ANKRD36B: variants seen among roughly 807,000 people sequenced by gnomAD.
ANKRD36B encodes the protein ankyrin repeat domain 36B, also known as ankyrin repeat domain-containing protein 36B.
Under a neutral mutation model 135.7 loss-of-function variants are expected in ANKRD36B, and 37 were observed. The observed-to-expected ratio is 0.27, with a 90% CI of 0.21 to 0.36. The LOEUF (loss-of-function observed/expected upper bound fraction) is 0.36. Ranked by LOEUF, ANKRD36B falls within the 10% of genes least tolerant of loss-of-function variation. ANKRD36B has a pLI of 1.00. For missense variants in ANKRD36B, 549 were observed against 1,037.1 expected (o/e 0.53, Z 6.46); for synonymous variants, 179 against 348.1 (o/e 0.51, Z 5.41).
chr2:97,524,331 A>G (rs1409965430), intron 35 of ANKRD36B: 1 of 95,376 alleles, frequency 1.0e-5, no homozygotes, highest in African/African-American at 3.1e-5. Context: ...CTCACAACCT[A>G]TTTGACTTCT....
chr2:97,494,568 C>T (rs879221320), intron 43 of ANKRD36B, among the ~76,000 whole-genome samples: 2 of 106,922 alleles, frequency 1.9e-5, no homozygotes, highest in Non-Finnish European at 5.3e-5. Context: ...CCACTAGGTC[C>T]CACCTCCAAC....
chr2:97,494,543 T>C (rs2077283275), intron 43 of ANKRD36B, among the ~76,000 whole-genome samples: 1 of 107,204 alleles, frequency 9.3e-6, no homozygotes, highest in African/African-American at 2.6e-5. Flanking sequence ...TCAACCACCA[T>C]GACCCAAACA....
chr2:97,530,972 T>C lies in ANKRD36B; in HGVS notation c.2265+1339A>G, dbSNP rs2078549689. 5.2e-5 allele frequency among the ~76,000 whole-genome samples: 5 copies of C among 96,230 alleles called. 2 individuals are homozygous for C. The highest frequency in any genetic ancestry group is 4.6e-4 in the Admixed American group (5 of 10,878). The allele number at this position is 96,230 out of a possible 152,430, so 63.1% of individuals were successfully genotyped here. On this transcript the variant is annotated intron_variant, in intron 35 of 43. Coordinates refer to ENST00000359901, the MANE Select transcript of ANKRD36B (RefSeq NM_001393939.1). ...CACTGTTGGTGGGACTGTAAACTAG[T>C]TCAACCATTGTGGAAGTCAGTGTGG... is the stretch of plus-strand genomic sequence containing the variant.
At chr2:97,566,098 G>A (rs532097325) in intron 6 of ANKRD36B, among the ~76,000 whole-genome samples, 25 of 151,720 alleles carry the variant, frequency 1.6e-4, no homozygotes, top group Non-Finnish European at 3.2e-4. Flanking sequence ...TGGATCACAC[G>A]AGGTCAAAAG....
At chr2:97,557,969 TA>T (rs1300704382) in intron 10 of ANKRD36B, among the ~76,000 whole-genome samples, 3 of 138,572 alleles carry the variant, frequency 2.2e-5, no homozygotes, top group South Asian at 2.2e-4. Flanking sequence ...AATTCACCAT[TA>T]TTTTTTTTTC....
chr2:97,550,672 C>A (rs1351985863), intron 18 of ANKRD36B, among the ~76,000 whole-genome samples: 4 of 151,774 alleles, frequency 2.6e-5, no homozygotes, highest in Admixed American at 6.6e-5. Flanking sequence ...CCAATTCAAG[C>A]ACTGTTTCCT....
At chr2:97,579,119 A>T in intron 4 of ANKRD36B, 76 bp from the exon 5 acceptor site, 1 of 1,327,888 alleles carries the variant, frequency 7.5e-7, no homozygotes, top group Non-Finnish European at 1.0e-6. Flanking sequence ...TCAACTTAAC[A>T]TGTTGCCTGT....
chr2:97,560,779 G>A lies in ANKRD36B; in HGVS notation c.793-42C>T, dbSNP rs1354510857. On this transcript the variant is annotated intron_variant, in intron 7 of 43. Transcript: ENST00000359901. ...ACAAAATAATCAATATGTAAAGTAG[G>A]TTTCATAGACTATACAGTTAATAGT... 6.3e-6 allele frequency: 10 copies of A among 1,592,256 alleles called. No homozygotes were observed. The Admixed American group carries it at 8.5e-5, about 14-fold the overall frequency.
In ANKRD36B at chr2:97,589,400, A is replaced by G. The variant is rs1435647912; in HGVS notation, c.161+125T>C. 32 of 204,640 alleles carry G rather than the reference A, an allele frequency of 1.6e-4. 1 individual carries two copies. Among genetic ancestry groups the G allele is most frequent in the Non-Finnish European group, 2.4e-4 (30 of 124,920 alleles). The allele number at this position is 204,640 out of a possible 1,614,324, so 12.7% of individuals were successfully genotyped here. A position where few individuals can be genotyped will look rare whatever the true frequency, so the allele number is the denominator to read the frequency against. On this transcript the variant is annotated intron_variant, in intron 1 of 43. Coordinates refer to ENST00000359901, the MANE Select transcript of ANKRD36B (RefSeq NM_001393939.1). ...CCACTCACTCCCACCCCAGCCAGGCACCCCCTAGCCCCCGTCCATACCCCG... is the reference window on the plus strand; with the variant it reads ...CCACTCACTCCCACCCCAGCCAGGCGCCCCCTAGCCCCCGTCCATACCCCG...
Position 97,578,951 on chromosome 2 carries a change from T to A in ANKRD36B, c.650A>T (p.Tyr217Phe), listed in dbSNP as rs751062747. 1 of 1,612,936 alleles carries A rather than the reference T, an allele frequency of 6.2e-7. No individual in the cohort carries two copies. Among genetic ancestry groups the A allele is most frequent in the African/African-American group, 1.3e-5 (1 of 74,898 alleles). ...GGCATAATCTTCTGCAAGCTTTCCATACACATCTCGAGAAAACACATCAAT... is the reference window on the plus strand; with the variant it reads ...GGCATAATCTTCTGCAAGCTTTCCAAACACATCTCGAGAAAACACATCAAT... Reference protein sequence around the residue: ...HNIDVFSRDVYGKLAEDYASE... With the variant: ...HNIDVFSRDVFGKLAEDYASE... The change falls in exon 5 of 44, where the codon TAT (tyrosine) becomes TTT (phenylalanine). Residue 217 changes from tyrosine to phenylalanine, a missense_variant. Transcript: ENST00000359901.
At chr2:97,551,625 G>C (rs1275965947) in intron 16 of ANKRD36B, 145 bp from the exon 17 acceptor site, 1 of 1,363,622 alleles carries the variant, frequency 7.3e-7, no homozygotes, top group East Asian at 2.5e-5. Flanking sequence ...CTGGGGATTA[G>C]AACATGACAG....
intron 6 of ANKRD36B, among the ~76,000 whole-genome samples, chr2:97,574,925 G>A (rs372472711): frequency 0.059 from 8,893 of 151,534 alleles, 616 homozygotes; most frequent in African/African-American, 0.17. Flanking sequence ...AAAGGGTTAC[G>A]CAGGATCTTG....
At chr2:97,587,137 C>T (rs1465831798) in intron 1 of ANKRD36B, among the ~76,000 whole-genome samples, 1 of 152,142 alleles carries the variant, frequency 6.6e-6, no homozygotes, top group African/African-American at 2.4e-5. Context: ...CATGCCACTG[C>T]ACTGCAGGCT....
At position 97,536,478 on chromosome 2, in the gene ANKRD36B, C is replaced by G. The variant is rs2922568; in HGVS notation, c.2108G>C (p.Arg703Pro). Reference sequence around the variant, plus strand: ...TGTAAGAGTAATTACCTTCAAGGTGCGCAGATTCTCAGGATACTCTAACAA... The same window carrying G: ...TGTAAGAGTAATTACCTTCAAGGTGGGCAGATTCTCAGGATACTCTAACAA... ...KSGTEYPENL[R>P]TLKATIENKD... The change falls in exon 33 of 44, where the codon CGC (arginine) becomes CCC (proline). Residue 703 changes from arginine (R) to proline (P), a missense_variant. Transcript: ENST00000359901. 1.5e-4 allele frequency: 138 copies of G among 905,400 alleles called. 38 individuals are homozygous for G. Among genetic ancestry groups the G allele is most frequent in the South Asian group, 5.9e-4 (46 of 78,530 alleles). 56.1% of individuals were successfully genotyped at this position (905,400 alleles called of 1,614,324 possible). A position where few individuals can be genotyped will look rare whatever the true frequency, so the allele number is the denominator to read the frequency against.
chr2:97,579,302 A>C (rs1573054650), intron 4 of ANKRD36B, among the ~76,000 whole-genome samples: 1 of 128,022 alleles, frequency 7.8e-6, no homozygotes, highest in Non-Finnish European at 1.7e-5. Flanking sequence ...TGGGCAAGAA[A>C]TATGCTCAGG....
Position 97,555,964 on chromosome 2 carries a change from T to C in ANKRD36B, c.1070-710A>G, listed in dbSNP as rs187899659. Reference sequence around the variant, plus strand: ...AAGTACAATAAATTACACATATTTATACAAAATGCAATGGCTCCTGGCATT... The same window carrying C: ...AAGTACAATAAATTACACATATTTACACAAAATGCAATGGCTCCTGGCATT... On this transcript the variant is annotated intron_variant, in intron 12 of 43. Coordinates refer to ENST00000359901, the MANE Select transcript of ANKRD36B (RefSeq NM_001393939.1). Among the ~76,000 whole-genome samples the C allele has an allele frequency of 2.8e-3, 424 of 151,996 alleles. 1 individual carries two copies. Among genetic ancestry groups the C allele is most frequent in the African/African-American group, 9.8e-3 (405 of 41,518 alleles).
rs2442262 is a variant in ANKRD36B at position 97,563,922 on chromosome 2, A to G, written c.764-3062T>C. Among the ~76,000 whole-genome samples, 1,008 of 152,260 alleles carry G rather than the reference A, an allele frequency of 6.6e-3. 50 individuals carry two copies. The East Asian group carries it at 0.11, about 16-fold the overall frequency. Reference sequence around the variant, plus strand: ...AGAGAGCATAATTAAATATGCTGCCATCATCACATGGCATATCATTAGATC... The same window carrying G: ...AGAGAGCATAATTAAATATGCTGCCGTCATCACATGGCATATCATTAGATC... On this transcript the variant is annotated intron_variant, in intron 6 of 43. Coordinates refer to ENST00000359901, the MANE Select transcript of ANKRD36B (RefSeq NM_001393939.1).
chr2:97,559,086 T>C, intron 8 of ANKRD36B, 92 bp from the exon 9 acceptor site: 1 of 1,563,104 alleles, frequency 6.4e-7, no homozygotes, highest in Non-Finnish European at 8.6e-7. Flanking sequence ...AGCTGTATCT[T>C]CCTGCCTGTA....
rs772619874 is a variant in ANKRD36B, at chr2:97,553,221, C to T, written c.1220G>A (p.Gly407Asp). ...QALKATTDEE[G>D]SVSNIATEIK... is the part of the protein sequence containing the mutation. Reference sequence around the variant, plus strand: ...TTCTGTGGCTATATTAGAAACAGAACCTTCCTCGTCAGTTGTAGCCTGAAT... The same window carrying T: ...TTCTGTGGCTATATTAGAAACAGAATCTTCCTCGTCAGTTGTAGCCTGAAT... Residue 407 changes from glycine (G) to aspartate (D), a missense_variant, in exon 16 of 44, where the codon GGT (glycine) becomes GAT (aspartate). Coordinates refer to ENST00000359901, the MANE Select transcript of ANKRD36B (RefSeq NM_001393939.1). The T allele has an allele frequency of 6.3e-5, 102 of 1,610,648 alleles. No homozygotes were observed. The Middle Eastern group carries it at 7.0e-4, about 11-fold the overall frequency.
Sources: gnomAD v4.1 joint callset for allele counts (sites outside exome capture counted in the v4.1 genomes callset) on GRCh38, gnomAD v4.1.1 for gene constraint, MANE v1.5 for transcripts, NCBI Gene and HGNC (gene_info 2026-07-23, HGNC 2026-07-21) for gene names.